Variants in COL4A4 observed in about 807,000 individuals in gnomAD.
COL4A4 encodes collagen alpha-4(IV) chain.
In COL4A4, 105 loss-of-function variants were observed where a neutral mutation model predicts 192.9. That is an observed-to-expected ratio of 0.54 (90% CI 0.46 to 0.64). The LOEUF (loss-of-function observed/expected upper bound fraction) is 0.64, where lower values mean the gene tolerates loss of function less well. COL4A4 is among the 30% of genes least tolerant of loss of function. COL4A4 has a pLI of 0.00. For synonymous variants in COL4A4, 762 were observed against 769.9 expected (o/e 0.99, Z 0.17); for missense variants, 1,967 against 2,169.3 (o/e 0.91, Z 1.85).
chr2:227,088,845 C>A, intron 21 of COL4A4, 29 bp from the exon 22 acceptor site: 2 of 1,613,328 alleles, frequency 1.2e-6, no homozygotes, highest in African/African-American at 1.3e-5. Context: ...GCAGATTTGT[C>A]ATATTTCCTG....
rs775977157 is a variant in COL4A4, at chr2:227,012,318, C to T, written c.4217-21G>A. On this transcript the variant is annotated intron_variant, in intron 44 of 47. Coordinates refer to ENST00000396625, the MANE Select transcript of COL4A4 (RefSeq NM_000092.5). ...GCACCCTGCACAAAAGTTTATGATG[C>T]TGGTGGTGAAAGCAACCATGACACC... 8.8e-6 allele frequency: 14 copies of T among 1,595,378 alleles called. No homozygotes were observed. The South Asian group carries it at 1.5e-4, about 18-fold the overall frequency.
intron 25 of COL4A4, among the ~76,000 whole-genome samples, 189 bp from the exon 26 acceptor site, chr2:227,062,787 A>G (rs894069624): frequency 1.3e-5 from 2 of 152,198 alleles, no homozygotes; most frequent in African/African-American, 4.8e-5. Flanking sequence ...TTTTTCCTGA[A>G]ATCTGAATTT....
the COL4A4 span, among the ~76,000 whole-genome samples, chr2:226,968,266 T>C: frequency 4.3e-4 from 65 of 152,242 alleles, no homozygotes; most frequent in African/African-American, 1.5e-3. Context: ...TGGAGACATA[T>C]ATTAAGAGCT....
rs558701374 is a variant in COL4A4 at position 227,151,002 on chromosome 2, A to C, written c.-101-3418T>G. ...ATTATAAATGATGACCTTTAAAATA[A>C]AACTACTACAGCATTATTTTAGATG... On this transcript the variant is annotated intron_variant, in intron 1 of 47. Transcript: ENST00000396625. 1.1e-4 allele frequency among the ~76,000 whole-genome samples: 17 copies of C among 152,298 alleles called. No individual in the cohort carries two copies. The South Asian group carries it at 2.5e-3, about 22-fold the overall frequency.
At chr2:227,101,747 T>C in intron 16 of COL4A4, 118 bp downstream of exon 16, 2 of 1,062,414 alleles carry the variant, frequency 1.9e-6, no homozygotes, top group Non-Finnish European at 2.8e-6. Context: ...ATCCATAAAA[T>C]GAATGTGTCT....
At chr2:227,141,527 TTTC>T (rs748574548) in intron 3 of COL4A4, among the ~76,000 whole-genome samples, 1 of 152,160 alleles carries the variant, frequency 6.6e-6, no homozygotes, top group Non-Finnish European at 1.5e-5. Context: ...TTATTTTTCT[TTTC>T]ACTCGCACAG....
chr2:227,059,525 G>C lies in COL4A4; in HGVS notation c.2263C>G (p.Gln755Glu), dbSNP rs1211648246. 3 of 1,614,058 alleles carry C rather than the reference G, an allele frequency of 1.9e-6. No homozygotes were observed. The highest frequency in any genetic ancestry group is 2.5e-6 in the Non-Finnish European group (3 of 1,180,000). ...GCAGGGTCTCCCGGGATTCCTTTCTGACCATTCACTCCTGGTGAGCCGGGA... is the reference window on the plus strand; with the variant it reads ...GCAGGGTCTCCCGGGATTCCTTTCTCACCATTCACTCCTGGTGAGCCGGGA... ...GPPGSPGVNGQKGIPGDPAFG... is the reference protein window; with the variant it reads ...GPPGSPGVNGEKGIPGDPAFG... The change falls in exon 28 of 48, where the codon CAG becomes GAG. Residue 755 changes from glutamine (Q) to glutamate (E), a missense_variant. By Grantham distance (29) the Gln-to-Glu change is conservative (BLOSUM62 2). Coordinates refer to ENST00000396625, the MANE Select transcript of COL4A4 (RefSeq NM_000092.5).
chr2:227,026,076 T>A (rs958750305), intron 42 of COL4A4, among the ~76,000 whole-genome samples: 3 of 152,200 alleles, frequency 2.0e-5, no homozygotes, highest in Non-Finnish European at 4.4e-5. Context: ...TATAAAATTC[T>A]AGTTGATTTC....
chr2:227,154,638 T>G (rs1407341053), intron 1 of COL4A4, among the ~76,000 whole-genome samples: 3 of 152,242 alleles, frequency 2.0e-5, no homozygotes, highest in Admixed American at 6.5e-5. Context: ...CTGAATACTC[T>G]CTTTCCAAAA....
intron 37 of COL4A4, among the ~76,000 whole-genome samples, chr2:227,040,375 T>G (rs1169186051): frequency 6.6e-6 from 1 of 152,132 alleles, no homozygotes; most frequent in Admixed American, 6.5e-5. Flanking sequence ...ATATTCATTC[T>G]CCTATTTGTC....
At chr2:227,122,184 G>A (rs1347640176) in intron 4 of COL4A4, among the ~76,000 whole-genome samples, 1 of 152,082 alleles carries the variant, frequency 6.6e-6, no homozygotes, top group Non-Finnish European at 1.5e-5. Flanking sequence ...CTGGGGTCTG[G>A]GCCTGGCCAA....
chr2:227,021,987 C>G, intron 44 of COL4A4, 61 bp downstream of exon 44: 1 of 1,573,566 alleles, frequency 6.4e-7, no homozygotes, highest in Admixed American at 1.8e-5. Flanking sequence ...AATAAAAGAT[C>G]TAGAATTTCA....
At chr2:227,081,772 C>T (rs2059339769) in intron 23 of COL4A4, among the ~76,000 whole-genome samples, 1 of 152,144 alleles carries the variant, frequency 6.6e-6, no homozygotes, top group Non-Finnish European at 1.5e-5. Context: ...TCAAGCTGGG[C>T]TTCTTTCATT....
chr2:227,108,524 C>T, intron 12 of COL4A4, 57 bp downstream of exon 12: 3 of 1,527,096 alleles, frequency 2.0e-6, no homozygotes, highest in East Asian at 4.5e-5. Flanking sequence ...CAGCCTCCAC[C>T]CCTGAGCAGC....
chr2:227,148,672 G>GA (rs1282964000), intron 1 of COL4A4, among the ~76,000 whole-genome samples: 1 of 151,798 alleles, frequency 6.6e-6, no homozygotes, highest in African/African-American at 2.4e-5. Context: ...ATATAAAATA[G>GA]AAAAAATATT....
chr2:227,104,638 C>CTTTT (rs373008018), intron 12 of COL4A4, among the ~76,000 whole-genome samples: 4 of 110,334 alleles, frequency 3.6e-5, no homozygotes, highest in Admixed American at 1.1e-4. Flanking sequence ...TCTATTAAAA[C>CTTTT]TTTTTTTTTT....
chr2:227,119,818 T>C, intron 6 of COL4A4, 77 bp downstream of exon 6: 3 of 830,118 alleles, frequency 3.6e-6, no homozygotes, highest in Non-Finnish European at 5.6e-6. Flanking sequence ...TTTATGTATA[T>C]ATACATGTGG....
rs1273286708 is a variant in COL4A4 at position 227,070,056 on chromosome 2, G to A, written c.1988-7458C>T. On this transcript the variant is annotated intron_variant, in intron 25 of 47. Coordinates refer to ENST00000396625, the MANE Select transcript of COL4A4 (RefSeq NM_000092.5). ...CAAACAACCCCATCAAAAAGTGGGC[G>A]AAGGACATGAACAGACACTTCTCAA... Among the ~76,000 whole-genome samples the A allele has an allele frequency of 1.0e-3, 155 of 151,276 alleles. 2 individuals are homozygous for A. The highest frequency in any genetic ancestry group is 9.3e-3 in the East Asian group (48 of 5,158).
chr2:227,021,147 G>A (rs767253129), intron 44 of COL4A4, among the ~76,000 whole-genome samples: 21 of 152,058 alleles, frequency 1.4e-4, no homozygotes, highest in African/African-American at 3.4e-4. Flanking sequence ...GATTACAGGC[G>A]TGAGCCACTG....
Sources: gnomAD v4.1 joint callset for allele counts (sites outside exome capture counted in the v4.1 genomes callset) on GRCh38, gnomAD v4.1.1 for gene constraint, MANE v1.5 for transcripts, NCBI Gene and HGNC (gene_info 2026-07-23, HGNC 2026-07-21) for gene names.